Variants in CNTNAP3B observed in about 807,000 individuals in gnomAD.
CNTNAP3B encodes the protein contactin associated protein family member 3B, also known as contactin-associated protein-like 3B.
In CNTNAP3B, 25 loss-of-function variants were observed where a neutral mutation model predicts 108.9. That is an observed-to-expected ratio of 0.23 (90% confidence interval 0.17 to 0.32). The LOEUF (loss-of-function observed/expected upper bound fraction) is 0.32. Ranked by LOEUF, CNTNAP3B falls within the 10% of genes least tolerant of loss-of-function variation. CNTNAP3B has a pLI of 1.00. For synonymous variants in CNTNAP3B, 103 were observed against 473.4 expected (o/e 0.22, Z 10.16); for missense variants, 252 against 1,210.4 (o/e 0.21, Z 11.75).
At chr9:41,924,672 C>CAT (rs1823762556) in intron 15 of CNTNAP3B, among the ~76,000 whole-genome samples, 1 of 149,258 alleles carries the variant, frequency 6.7e-6, no homozygotes, top group Non-Finnish European at 1.5e-5. Context: ...CACACACACA[C>CAT]ACACACACAC....
chr9:41,916,346 A>G (rs1055098183), intron 18 of CNTNAP3B, among the ~76,000 whole-genome samples: 21 of 146,744 alleles, frequency 1.4e-4, no homozygotes, highest in South Asian at 1.1e-3. Context: ...TAAAATAGTT[A>G]AGCACTGAAA....
Position 41,962,813 on chromosome 9 carries a change from G to C in CNTNAP3B, c.1756+1725C>G, listed in dbSNP as rs1336091593. On this transcript the variant is annotated intron_variant, in intron 11 of 23. Transcript: ENST00000377561. ...TACTAAAAATACAAAAAATTAGCCA[G>C]GCGTGGTGGCGGGCGCCTGTAGTCC... 4.6e-5 allele frequency among the ~76,000 whole-genome samples: 7 copies of C among 152,194 alleles called. No homozygotes were observed. The South Asian group carries it at 1.4e-3, about 31-fold the overall frequency.
chr9:41,940,698 C>A (rs1218879960), intron 13 of CNTNAP3B, among the ~76,000 whole-genome samples: 1 of 152,108 alleles, frequency 6.6e-6, no homozygotes, highest in Non-Finnish European at 1.5e-5. Flanking sequence ...GCCTGTAGTC[C>A]CAGCTACTCA....
intron 18 of CNTNAP3B, among the ~76,000 whole-genome samples, chr9:41,917,844 T>A (rs936285200): frequency 6.7e-6 from 1 of 148,864 alleles, no homozygotes; most frequent in Non-Finnish European, 1.5e-5. Context: ...AGGACCTGGG[T>A]AGAGAGGAAA....
intron 1 of CNTNAP3B, among the ~76,000 whole-genome samples, chr9:42,127,628 A>G (rs1414252044): frequency 7.1e-6 from 1 of 139,968 alleles, no homozygotes; most frequent in African/African-American, 2.8e-5. Context: ...CAAGGATTTT[A>G]ATTTAAGTAA....
At chr9:41,958,024 A>T (rs1204565268) in intron 12 of CNTNAP3B, among the ~76,000 whole-genome samples, 12 of 152,380 alleles carry the variant, frequency 7.9e-5, no homozygotes, top group Admixed American at 7.8e-4. Flanking sequence ...AGCCTCCCAC[A>T]GTGCTGGGAT....
chr9:41,955,346 T>TATGCATTTGTGTTTATA (rs1564157135), intron 12 of CNTNAP3B, among the ~76,000 whole-genome samples: 1 of 151,930 alleles, frequency 6.6e-6, no homozygotes, highest in South Asian at 2.1e-4. Context: ...CATTATAGGA[T>TATGCATTTGTGTTTATA]ATGCATTTGT....
chr9:41,973,104 ATTTTTTT>A (rs762573740), intron 9 of CNTNAP3B, among the ~76,000 whole-genome samples: 1 of 120,042 alleles, frequency 8.3e-6, no homozygotes. Flanking sequence ...TGCCCTGCTA[ATTTTTTT>A]TTTTTGTATT....
intron 4 of CNTNAP3B, among the ~76,000 whole-genome samples, chr9:42,003,425 G>A (rs1226975951): frequency 1.1e-5 from 1 of 90,058 alleles, no homozygotes; most frequent in East Asian, 2.4e-4. Context: ...CGATTCCACA[G>A]AAATTTTCTT....
intron 14 of CNTNAP3B, among the ~76,000 whole-genome samples, chr9:41,936,010 T>C (rs1168515598): frequency 2.0e-5 from 3 of 152,246 alleles, no homozygotes; most frequent in Non-Finnish European, 4.4e-5. Context: ...GTTACTGCCC[T>C]AAGCATACGT....
At chr9:41,967,166 G>C (rs1479072760) in intron 10 of CNTNAP3B, among the ~76,000 whole-genome samples, 1 of 151,240 alleles carries the variant, frequency 6.6e-6, no homozygotes, top group Non-Finnish European at 1.5e-5. Flanking sequence ...GTGAGTTAGT[G>C]ATATGGTTTG....
chr9:41,921,858 G>A (rs1227995879), intron 17 of CNTNAP3B, among the ~76,000 whole-genome samples: 9 of 149,516 alleles, frequency 6.0e-5, no homozygotes, highest in African/African-American at 1.2e-4. Context: ...GGGGAGGTGC[G>A]CAGTGCTGCT....
rs1247803448 is a variant in CNTNAP3B, at chr9:42,056,708, C to A, written c.390+20161G>T. 2.2e-5 allele frequency among the ~76,000 whole-genome samples: 3 copies of A among 133,882 alleles called. 1 individual carries two copies. The highest frequency in any genetic ancestry group is 9.1e-5 in the African/African-American group (3 of 33,020). 87.8% of individuals were successfully genotyped at this position (133,882 alleles called of 152,430 possible). On this transcript the variant is annotated intron_variant, in intron 3 of 23. Coordinates refer to ENST00000377561, the MANE Select transcript of CNTNAP3B (RefSeq NM_001201380.3). ...ATGTGGAATGCTTATCAATCCTTCT[C>A]AATTTTACATTGCTTTTCTTAATCT... is the stretch of plus-strand genomic sequence containing the variant.
rs1457388478 is a variant in CNTNAP3B at position 42,002,466 on chromosome 9, C to A, written c.539-3862G>T. Among the ~76,000 whole-genome samples, 3 of 104,132 alleles carry A rather than the reference C, an allele frequency of 2.9e-5. 1 individual carries two copies. The highest frequency in any genetic ancestry group is 1.1e-4 in the African/African-American group (3 of 26,896). 68.3% of individuals were successfully genotyped at this position (104,132 alleles called of 152,430 possible). A position where few individuals can be genotyped will look rare whatever the true frequency, so the allele number is the denominator to read the frequency against. On this transcript the variant is annotated intron_variant, in intron 4 of 23. Transcript: ENST00000377561. ...CAAAGAATACCGGAAAAACTAAGGA[C>A]AGATATGTTCACAAAGTTCCCAAAT...
intron 13 of CNTNAP3B, among the ~76,000 whole-genome samples, chr9:41,948,186 A>C (rs1210860074): frequency 5.4e-5 from 8 of 147,488 alleles, no homozygotes; most frequent in South Asian, 4.3e-4. Flanking sequence ...CTGCCTCCCA[A>C]GTTCAAGCGA....
At chr9:41,963,965 A>G (rs1177082890) in intron 11 of CNTNAP3B, among the ~76,000 whole-genome samples, 1 of 151,542 alleles carries the variant, frequency 6.6e-6, no homozygotes, top group African/African-American at 2.4e-5. Flanking sequence ...TCACTTTACA[A>G]TCATCATCAC....
In CNTNAP3B at chr9:42,037,187, C is replaced by T. The variant is rs573451048; in HGVS notation, c.391-23662G>A. Among the ~76,000 whole-genome samples, 1,241 of 146,324 alleles carry T rather than the reference C, an allele frequency of 8.5e-3. 3 individuals carry two copies. Among genetic ancestry groups the T allele is most frequent in the African/African-American group, 0.03 (1,136 of 37,390 alleles). On this transcript the variant is annotated intron_variant, in intron 3 of 23. Coordinates refer to ENST00000377561, the MANE Select transcript of CNTNAP3B (RefSeq NM_001201380.3). ...GCTCCTCATCAGCAATGGAACAAAG[C>T]GGGACGGAGAATGACTTTGATGAGT...
At chr9:42,107,816 A>C (rs1165243366) in intron 1 of CNTNAP3B, among the ~76,000 whole-genome samples, 4 of 133,036 alleles carry the variant, frequency 3.0e-5, no homozygotes, top group Non-Finnish European at 6.3e-5. Context: ...TCTACTAAAA[A>C]TACAAAAAAT....
chr9:41,965,234 T>C (rs11526017), intron 10 of CNTNAP3B, among the ~76,000 whole-genome samples: 2 of 152,304 alleles, frequency 1.3e-5, no homozygotes, highest in African/African-American at 4.8e-5. Flanking sequence ...TATTAAAATC[T>C]CAATGCCTTT....
Sources: gnomAD v4.1 joint callset for allele counts (sites outside exome capture counted in the v4.1 genomes callset) on GRCh38, gnomAD v4.1.1 for gene constraint, MANE v1.5 for transcripts, NCBI Gene and HGNC (gene_info 2026-07-23, HGNC 2026-07-21) for gene names.